ADNP2: variants seen among roughly 807,000 people sequenced by gnomAD.
ADNP2 encodes the protein ADNP homeobox 2, also known as activity-dependent neuroprotector homeobox protein 2.
A neutral mutation model predicts 16.4 loss-of-function variants in ADNP2; 8 were observed. The observed-to-expected ratio is 0.49, with a 90% CI of 0.29 to 0.88. The LOEUF is 0.88. ADNP2 is among the 40% of genes least tolerant of loss of function. ADNP2 has a pLI of 0.09. For synonymous variants in ADNP2, 637 were observed against 545.8 expected, an observed-to-expected ratio of 1.17 and a Z score of -2.33; for missense variants, 1,397 against 1,395.1, an observed-to-expected ratio of 1.00 and a Z score of -0.02.
intron 2 of ADNP2, among the ~76,000 whole-genome samples, chr18:80,120,820 A>C (rs1338575743): frequency 6.6e-6 from 1 of 151,846 alleles, no homozygotes; most frequent in Non-Finnish European, 1.5e-5. Flanking sequence ...AAGTCCAACT[A>C]ATTTTTGTAT....
intron 1 of ADNP2, among the ~76,000 whole-genome samples, chr18:80,111,566 A>ATT (rs34338300): frequency 7.9e-6 from 1 of 127,070 alleles, no homozygotes; most frequent in African/African-American, 3.0e-5. Context: ...CCTGAATGAC[A>ATT]TTTTTTTTTT....
At chr18:80,115,642 A>G (rs569288277) in intron 1 of ADNP2, among the ~76,000 whole-genome samples, 3 of 152,326 alleles carry the variant, frequency 2.0e-5, no homozygotes, top group Admixed American at 6.5e-5. Context: ...GTACCATACA[A>G]TTCACCAGTT....
chr18:80,138,516 G>A lies in ADNP2; in HGVS notation c.3103G>A (p.Ala1035Thr). 1 of 1,614,044 alleles carries A rather than the reference G, an allele frequency of 6.2e-7. No individual in the cohort carries two copies. Among genetic ancestry groups the A allele is most frequent in the Non-Finnish European group, 8.5e-7 (1 of 1,180,024 alleles). Residue 1035 changes from alanine to threonine, a missense_variant, in exon 4 of 4, where the codon GCT becomes ACT. This residue lies in a region of ADNP2 where 611 missense variants were observed against 648.7 expected (regional missense o/e 0.94). Coordinates refer to ENST00000262198, the MANE Select transcript of ADNP2 (RefSeq NM_014913.4). ...RTEGPIVKDE[A>T]LQILALDPKK... ...AGAGGGACCTATTGTCAAGGACGAG[G>A]CTCTTCAGATTTTAGCATTAGATCC...
rs750713136 is a variant in ADNP2 at position 80,138,759 on chromosome 18, T to C, written c.3346T>C (p.Ser1116Pro). The change falls in exon 4 of 4, where the codon TCT becomes CCT. Residue 1116 changes from serine to proline, a missense_variant. Coordinates refer to ENST00000262198, the MANE Select transcript of ADNP2 (RefSeq NM_014913.4). ...TTCTGTACTTTTAGGCTTTGATATG[T>C]CTGAACTTAAAAATGTGAAACATAG... ...KPSVLLGFDMSELKNVKHRLN... is the reference protein window; with the variant it reads ...KPSVLLGFDMPELKNVKHRLN... The C allele has an allele frequency of 6.3e-7, 1 of 1,581,800 alleles. No homozygotes were observed. Among genetic ancestry groups the C allele is most frequent in the Non-Finnish European group, 8.5e-7 (1 of 1,171,022 alleles).
At chr18:80,133,220 T>C (rs1287758414) in intron 3 of ADNP2, 28 bp downstream of exon 3, 8 of 1,564,658 alleles carry the variant, frequency 5.1e-6, no homozygotes, top group Non-Finnish European at 7.0e-6. Context: ...TTGTTTTTCA[T>C]GTTTCCTCAA....
intron 2 of ADNP2, among the ~76,000 whole-genome samples, chr18:80,119,819 G>C (rs2052413171): frequency 6.6e-6 from 1 of 152,222 alleles, no homozygotes; most frequent in African/African-American, 2.4e-5. Flanking sequence ...CAAGTTACCT[G>C]CCAAACATAC....
intron 2 of ADNP2, among the ~76,000 whole-genome samples, chr18:80,126,132 A>C (rs918890186): frequency 4.0e-5 from 6 of 151,446 alleles, no homozygotes; most frequent in Admixed American, 3.9e-4. Flanking sequence ...ATTCCATTTT[A>C]TCTCTATTAC....
At chr18:80,130,157 C>A (rs1311959270) in intron 2 of ADNP2, among the ~76,000 whole-genome samples, 1 of 152,196 alleles carries the variant, frequency 6.6e-6, no homozygotes, top group Non-Finnish European at 1.5e-5. Flanking sequence ...TCAAATGTTA[C>A]AACATCCAGG....
intron 2 of ADNP2, among the ~76,000 whole-genome samples, chr18:80,131,648 A>G (rs2052497408): frequency 6.6e-6 from 1 of 151,074 alleles, no homozygotes; most frequent in Non-Finnish European, 1.5e-5. Flanking sequence ...ATATGTATAC[A>G]TGTACCAATA....
In ADNP2 at chr18:80,136,856, G is replaced by A; in HGVS notation, c.1443G>A (p.Met481Ile). The change falls in exon 4 of 4, where the codon ATG (methionine) becomes ATA (isoleucine). Residue 481 changes from methionine (M) to isoleucine (I), a missense_variant. By Grantham distance (10) the Met-to-Ile change is conservative. Transcript: ENST00000262198. ...CTGGGGTTCTTCCTACTGGCCAGAT[G>A]GTCCAGTCAGGAGTTCTCCCTGTGG... Reference protein sequence around the residue: ...ATSGVLPTGQMVQSGVLPVGQ... With the variant: ...ATSGVLPTGQIVQSGVLPVGQ... The A allele has an allele frequency of 6.2e-7, 1 of 1,613,966 alleles. No homozygotes were observed. The highest frequency in any genetic ancestry group is 8.5e-7 in the Non-Finnish European group (1 of 1,179,970).
intron 1 of ADNP2, among the ~76,000 whole-genome samples, chr18:80,113,702 C>A (rs2052371964): frequency 6.6e-6 from 1 of 152,094 alleles, no homozygotes; most frequent in Admixed American, 6.6e-5. Flanking sequence ...AACATGATTT[C>A]TGCCCTGGAG....
At chr18:80,131,267 G>A (rs538149567) in intron 2 of ADNP2, among the ~76,000 whole-genome samples, 105 of 152,150 alleles carry the variant, frequency 6.9e-4, no homozygotes, top group African/African-American at 1.6e-3. Flanking sequence ...TTACCAATAC[G>A]CAGTGTGTTT....
At chr18:80,117,897 T>G (rs2052399596) in intron 2 of ADNP2, among the ~76,000 whole-genome samples, 1 of 152,224 alleles carries the variant, frequency 6.6e-6, no homozygotes, top group African/African-American at 2.4e-5. Context: ...TTTTGATGTT[T>G]GAGGGAAATG....
intron 2 of ADNP2, among the ~76,000 whole-genome samples, chr18:80,131,857 G>T (rs1298368222): frequency 6.6e-6 from 1 of 151,834 alleles, no homozygotes; most frequent in Non-Finnish European, 1.5e-5. Context: ...CATGGGGTGG[G>T]GGGCAGGGGG....
chr18:80,126,447 G>C lies in ADNP2; in HGVS notation c.109-6656G>C, dbSNP rs142581470. Among the ~76,000 whole-genome samples the C allele has an allele frequency of 5.5e-3, 832 of 152,182 alleles. 9 individuals carry two copies. Among genetic ancestry groups the C allele is most frequent in the African/African-American group, 0.018 (763 of 41,528 alleles). ...TGCCTCCTGAAGGACTTCATATTTT[G>C]TAGTGCTGATGTGCTTAATTAACTC... is the stretch of plus-strand genomic sequence containing the variant. On this transcript the variant is annotated intron_variant, in intron 2 of 3. Transcript: ENST00000262198.
rs1568417034 is a variant in ADNP2, at chr18:80,138,190, T to C, written c.2777T>C (p.Met926Thr). The change falls in exon 4 of 4, where the codon ATG becomes ACG. Residue 926 changes from methionine (M) to threonine (T), a missense_variant. Transcript: ENST00000262198. ...IHCCGVYTGN[M>T]TLAAIAVHLV... is the part of the protein sequence containing the mutation. Reference sequence around the variant, plus strand: ...TGCTGTGGGGTCTACACGGGAAATATGACCCTGGCTGCCATCGCCGTCCAT... The same window carrying C: ...TGCTGTGGGGTCTACACGGGAAATACGACCCTGGCTGCCATCGCCGTCCAT... 2.5e-6 allele frequency: 4 copies of C among 1,614,028 alleles called. No homozygotes were observed. The highest frequency in any genetic ancestry group is 1.3e-5 in the African/African-American group (1 of 74,944).
intron 3 of ADNP2, among the ~76,000 whole-genome samples, chr18:80,135,170 C>T (rs567112736): frequency 6.4e-4 from 98 of 152,256 alleles, no homozygotes; most frequent in South Asian, 1.9e-3. Context: ...GGTCAGCAAA[C>T]TATGAGTTGT....
intron 2 of ADNP2, among the ~76,000 whole-genome samples, chr18:80,128,123 CCTTCTTTATTCAT>C (rs1211128628): frequency 4.6e-5 from 7 of 152,188 alleles, no homozygotes; most frequent in African/African-American, 1.4e-4. Flanking sequence ...TTAATTCCAG[CCTTCTTTATTCAT>C]TTCTGCTGCT....
chr18:80,115,824 G>A (rs1229995948), intron 1 of ADNP2, among the ~76,000 whole-genome samples: 1 of 152,012 alleles, frequency 6.6e-6, no homozygotes, highest in Non-Finnish European at 1.5e-5. Flanking sequence ...TGGTCAGGGT[G>A]GAGTGCAGTG....
Sources: allele counts gnomAD v4.1 joint callset (sites outside exome capture counted in the v4.1 genomes callset), GRCh38; gene constraint gnomAD v4.1.1; regional missense constraint gnomAD v4.1.1; transcripts MANE v1.5; gene names NCBI Gene and HGNC (gene_info 2026-07-23, HGNC 2026-07-21).